The following ALDH1L2 variants were observed in gnomAD, a reference collection of about 807,000 sequenced individuals.
ALDH1L2 encodes aldehyde dehydrogenase 1 family member L2, also known as mitochondrial 10-formyltetrahydrofolate dehydrogenase.
ALDH1L2 carries 91 observed loss-of-function variants against 111.0 expected under a neutral mutation model. The observed-to-expected ratio is 0.82, with a 90% CI of 0.69 to 0.98. ALDH1L2 has a LOEUF of 0.98. Among genes scored for constraint, ALDH1L2 ranks in the 50% least tolerant of loss-of-function variants. The probability of loss-of-function intolerance (pLI) is 0.00; values close to 1 mark genes in which losing one functional copy is unlikely to be tolerated. For synonymous variants in ALDH1L2, 374 were observed against 392.6 expected (o/e 0.95, Z 0.56); for missense variants, 995 against 1,126.8 (o/e 0.88, Z 1.67).
chr12:105,073,970 A>G lies in ALDH1L2; in HGVS notation c.84T>C (p.Ile28=). ...CTTCTTGTCCAAAGAGGCTCTGGCC[A>G]ATTAGTGCCAACTTCAGCTTGTTTT... is the stretch of plus-strand genomic sequence containing the variant. ...YFKNKLKLAL[I]GQSLFGQEVY... Residue 28 remains isoleucine, a synonymous_variant, in exon 2 of 23, where the codon ATT becomes ATC. Transcript: ENST00000258494. 6.2e-7 allele frequency: 1 copy of G among 1,614,168 alleles called. No homozygotes were observed. The highest frequency in any genetic ancestry group is 8.5e-7 in the Non-Finnish European group (1 of 1,180,032).
At chr12:105,084,363 G>A (rs1226665561) in intron 1 of ALDH1L2, 26 bp downstream of exon 1, 30 of 1,376,014 alleles carry the variant, frequency 2.2e-5, no homozygotes, top group African/African-American at 1.1e-4. Flanking sequence ...GGTGACAGCC[G>A]GGACGCTCGC....
At chr12:105,036,754 T>C (rs963158094) in intron 18 of ALDH1L2, among the ~76,000 whole-genome samples, 5 of 151,474 alleles carry the variant, frequency 3.3e-5, no homozygotes, top group Admixed American at 1.3e-4. Context: ...CATTTTATCT[T>C]TAAACATTAC....
At chr12:105,032,052 T>A in intron 19 of ALDH1L2, 118 bp from the exon 20 acceptor site, 1 of 1,070,512 alleles carries the variant, frequency 9.3e-7, no homozygotes, top group Non-Finnish European at 1.3e-6. Flanking sequence ...GTCTTTACAA[T>A]AGCACCGGAG....
At chr12:105,058,253 A>G in intron 9 of ALDH1L2, 33 bp from the exon 10 acceptor site, 1 of 1,577,766 alleles carries the variant, frequency 6.3e-7, no homozygotes. Context: ...CGTTACTTAG[A>G]TTTTTAAAAG....
chr12:105,079,268 G>A (rs1262019131), intron 1 of ALDH1L2, among the ~76,000 whole-genome samples: 1 of 152,178 alleles, frequency 6.6e-6, no homozygotes. Context: ...ACTAACAGAA[G>A]CAACAAGTAC....
In ALDH1L2 at chr12:105,049,979, C is replaced by T; in HGVS notation, c.1615G>A (p.Ala539Thr). 1 of 1,613,080 alleles carries T rather than the reference C, an allele frequency of 6.2e-7. No homozygotes were observed. The highest frequency in any genetic ancestry group is 8.5e-7 in the Non-Finnish European group (1 of 1,179,504). ...GACATTCCAATGTGTGTCTTCAGGG[C>T]CAAGGTATAGACAGCCCCTGAATCA... ...ALDSGAVYTL[A>T]LKTHIGMSVQ... is the part of the protein sequence containing the mutation. The change falls in exon 13 of 23, where the codon GCC becomes ACC. Residue 539 changes from alanine (A) to threonine (T), a missense_variant. Coordinates refer to ENST00000258494, the MANE Select transcript of ALDH1L2 (RefSeq NM_001034173.4).
At chr12:105,034,427 A>G (rs367730243) in intron 18 of ALDH1L2, 29 bp from the exon 19 acceptor site, 3 of 1,589,048 alleles carry the variant, frequency 1.9e-6, no homozygotes, top group African/African-American at 2.7e-5. Context: ...AAATATTGCT[A>G]ACATCATTTG....
intron 21 of ALDH1L2, 137 bp from the exon 22 acceptor site, chr12:105,026,881 T>G: frequency 9.3e-7 from 1 of 1,076,426 alleles, no homozygotes; most frequent in Admixed American, 2.3e-5. Flanking sequence ...TTGTTGTTGT[T>G]TTTTAGAGGC....
At chr12:105,058,024 G>T in intron 10 of ALDH1L2, 49 bp downstream of exon 10, 6 of 1,561,568 alleles carry the variant, frequency 3.8e-6, no homozygotes, top group Non-Finnish European at 4.3e-6. Flanking sequence ...GTCTTTTATA[G>T]TGTATGGATC....
chr12:105,069,270 A>G (rs1027361188), intron 3 of ALDH1L2, among the ~76,000 whole-genome samples: 1 of 152,198 alleles, frequency 6.6e-6, no homozygotes, highest in African/African-American at 2.4e-5. Flanking sequence ...AGGCGGAATA[A>G]GAACAGAAGA....
At chr12:105,045,648 T>G (rs1433280673) in intron 15 of ALDH1L2, among the ~76,000 whole-genome samples, 4 of 152,176 alleles carry the variant, frequency 2.6e-5, no homozygotes, top group African/African-American at 4.8e-5. Flanking sequence ...TATCTACCTC[T>G]TTGTATCTTT....
Position 105,067,215 on chromosome 12 carries a change from C to CA in ALDH1L2, c.595-547dup, listed in dbSNP as rs11334156. Among the ~76,000 whole-genome samples the CA allele has an allele frequency of 5.2e-3, 509 of 97,162 alleles. 7 individuals are homozygous for CA. Among genetic ancestry groups the CA allele is most frequent in the African/African-American group, 0.016 (387 of 24,666 alleles). The allele number at this position is 97,162 out of a possible 152,430, so 63.7% of individuals were successfully genotyped here. ...TGGGCGACAGAGCGAGACTCTGTCT[C>CA]AAAAAAAAAAAAAAAAAAAAGAAAA... On this transcript the variant is annotated intron_variant, in intron 4 of 22. Coordinates refer to ENST00000258494, the MANE Select transcript of ALDH1L2 (RefSeq NM_001034173.4).
intron 10 of ALDH1L2, among the ~76,000 whole-genome samples, chr12:105,057,446 A>C (rs1876701671): frequency 6.6e-6 from 1 of 152,218 alleles, no homozygotes; most frequent in African/African-American, 2.4e-5. Flanking sequence ...ATGTTCATGC[A>C]AAAACTTATA....
Position 105,030,448 on chromosome 12 carries a change from G to GA in ALDH1L2, c.2411-20dup, listed in dbSNP as rs778362894. On this transcript the variant is annotated intron_variant, in intron 20 of 22. Transcript: ENST00000258494. Reference sequence around the variant, plus strand: ...AAAAAGCCTTTTTGGAAAAAACAAAGAAAAAATGTCAACTGTAGGTTAAGT... The same window carrying GA: ...AAAAAGCCTTTTTGGAAAAAACAAAGAAAAAAATGTCAACTGTAGGTTAAGT... 21 of 1,592,174 alleles carry GA rather than the reference G, an allele frequency of 1.3e-5. No homozygotes were observed. Among genetic ancestry groups the GA allele is most frequent in the Admixed American group, 1.8e-5 (1 of 57,122 alleles).
intron 18 of ALDH1L2, among the ~76,000 whole-genome samples, chr12:105,035,025 T>TAAA (rs1222230177): frequency 6.6e-6 from 1 of 152,130 alleles, no homozygotes; most frequent in African/African-American, 2.4e-5. Context: ...GATTATTCTC[T>TAAA]TCTTAAATTT....
intron 13 of ALDH1L2, among the ~76,000 whole-genome samples, chr12:105,048,993 G>A (rs1402616553): frequency 6.6e-6 from 1 of 152,012 alleles, no homozygotes; most frequent in Non-Finnish European, 1.5e-5. Context: ...TGGCGCCACT[G>A]CACTCCAGCC....
At chr12:105,026,426 A>G in intron 22 of ALDH1L2, 119 bp downstream of exon 22, 1 of 1,155,348 alleles carries the variant, frequency 8.7e-7, no homozygotes, top group East Asian at 2.4e-5. Flanking sequence ...TTCTAAACCC[A>G]GATATAACTG....
intron 5 of ALDH1L2, 34 bp from the exon 6 acceptor site, chr12:105,065,390 A>G (rs1877289567): frequency 6.4e-7 from 1 of 1,570,170 alleles, no homozygotes. Context: ...TGAGCCTCCT[A>G]TGGCTGTGAA....
Position 105,065,722 on chromosome 12 carries a change from T to G in ALDH1L2, c.697-366A>C, listed in dbSNP as rs79608757. Among the ~76,000 whole-genome samples the G allele has an allele frequency of 4.9e-3, 737 of 151,244 alleles. 8 individuals carry two copies. The highest frequency in any genetic ancestry group is 0.016 in the African/African-American group (679 of 41,162). On this transcript the variant is annotated intron_variant, in intron 5 of 22. Coordinates refer to ENST00000258494, the MANE Select transcript of ALDH1L2 (RefSeq NM_001034173.4). ...TTAAGTCTCTGCCTCTTTTTTTTTTTGTCTAGTTTGTTTGTGTCTGTCTTA... is the reference window on the plus strand; with the variant it reads ...TTAAGTCTCTGCCTCTTTTTTTTTTGGTCTAGTTTGTTTGTGTCTGTCTTA...
Sources: gnomAD v4.1 joint callset for allele counts (sites outside exome capture counted in the v4.1 genomes callset) on GRCh38, gnomAD v4.1.1 for gene constraint, MANE v1.5 for transcripts, NCBI Gene and HGNC (gene_info 2026-07-23, HGNC 2026-07-21) for gene names.